Variants in SMOC2 observed in about 807,000 individuals in gnomAD.
The protein encoded by SMOC2 is SPARC-related modular calcium-binding protein 2.
A neutral mutation model predicts 61.4 loss-of-function variants in SMOC2; 39 were observed. The ratio of observed to expected loss-of-function variants is 0.64; its 90% confidence interval spans 0.49 to 0.83. The LOEUF (loss-of-function observed/expected upper bound fraction) is 0.83, where lower values mean the gene tolerates loss of function less well. Ranked by LOEUF, SMOC2 falls within the 40% of genes least tolerant of loss-of-function variation. The probability of loss-of-function intolerance (pLI) is 0.00; values close to 1 mark genes in which losing one functional copy is unlikely to be tolerated. For synonymous variants in SMOC2, 247 were observed against 239.9 expected, an observed-to-expected ratio of 1.03 and a Z score of -0.27; for missense variants, 556 against 592.9, an observed-to-expected ratio of 0.94 and a Z score of 0.65.
At chr6:168,448,338 G>A (rs140137970) in intron 1 of SMOC2, among the ~76,000 whole-genome samples, 19 of 152,000 alleles carry the variant, frequency 1.3e-4, no homozygotes, top group Non-Finnish European at 2.4e-4. Context: ...CTGGGGAGGA[G>A]GATGGCGCTG....
intron 1 of SMOC2, among the ~76,000 whole-genome samples, chr6:168,451,694 A>G (rs370548317): frequency 1.3e-5 from 2 of 151,924 alleles, no homozygotes; most frequent in East Asian, 1.9e-4. Context: ...AAACTGAGCA[A>G]TCTCTCTGAC....
At chr6:168,600,407 C>CAAA (rs776962137) in intron 8 of SMOC2, among the ~76,000 whole-genome samples, 1 of 24,326 alleles carries the variant, frequency 4.1e-5, no homozygotes, top group African/African-American at 1.3e-4. Flanking sequence ...AACTCTGCCT[C>CAAA]AAAAAAAAAA....
At chr6:168,489,846 G>A (rs13194480) in intron 1 of SMOC2, among the ~76,000 whole-genome samples, 1 of 143,942 alleles carries the variant, frequency 6.9e-6, no homozygotes, top group Non-Finnish European at 1.5e-5. Flanking sequence ...GAAATATATC[G>A]AATCATCTGG....
chr6:168,651,939 G>A (rs1422645717), intron 10 of SMOC2, among the ~76,000 whole-genome samples: 2 of 151,694 alleles, frequency 1.3e-5, no homozygotes, highest in Non-Finnish European at 2.9e-5. Context: ...TACTCGGGAG[G>A]CTAAGGCAGG....
At chr6:168,471,965 T>C (rs1445051276) in intron 1 of SMOC2, among the ~76,000 whole-genome samples, 1 of 152,224 alleles carries the variant, frequency 6.6e-6, no homozygotes, top group African/African-American at 2.4e-5. Context: ...TTCAGATACA[T>C]GATTTGCAAG....
At chr6:168,547,266 G>C in intron 6 of SMOC2, 97 bp downstream of exon 6, 1 of 1,017,628 alleles carries the variant, frequency 9.8e-7, no homozygotes, top group Non-Finnish European at 1.5e-6. Flanking sequence ...TTAGAGCTCC[G>C]TTCAGTATGG....
chr6:168,661,896 A>C (rs143216011), intron 11 of SMOC2, among the ~76,000 whole-genome samples: 1 of 152,240 alleles, frequency 6.6e-6, no homozygotes, highest in South Asian at 2.1e-4. Context: ...TCATTTTGGC[A>C]CTTAGACCAT....
At chr6:168,613,017 C>T (rs1013271815) in intron 9 of SMOC2, among the ~76,000 whole-genome samples, 12 of 152,282 alleles carry the variant, frequency 7.9e-5, no homozygotes, top group Admixed American at 1.3e-4. Flanking sequence ...CTCTCGGATA[C>T]GGTTTTCCGG....
chr6:168,597,274 A>T (rs112565278), intron 7 of SMOC2, among the ~76,000 whole-genome samples: 1,579 of 152,358 alleles, frequency 0.01, 27 homozygotes, highest in African/African-American at 0.034. Context: ...TAAAATTACG[A>T]ATCTGATTAT....
At chr6:168,547,004 G>A in intron 5 of SMOC2, 115 bp from the exon 6 acceptor site, 1 of 1,256,694 alleles carries the variant, frequency 8.0e-7, no homozygotes, top group Non-Finnish European at 1.2e-6. Flanking sequence ...GGTTGCTGTT[G>A]TGGTTGATCT....
chr6:168,581,790 G>GC lies in SMOC2; in HGVS notation c.638-17022dup, dbSNP rs568914119. 2.3e-4 allele frequency among the ~76,000 whole-genome samples: 35 copies of GC among 152,250 alleles called. No individual in the cohort carries two copies. The South Asian group carries it at 7.1e-3, about 31-fold the overall frequency. ...CCTGGGACCCCGCTGCCTCCCTGCA[G>GC]CCCCCCTCCCCTCCCTTCCTCATTG... On this transcript the variant is annotated intron_variant, in intron 7 of 12. Transcript: ENST00000356284.
intron 4 of SMOC2, 93 bp downstream of exon 4, chr6:168,527,820 A>C: frequency 1.1e-6 from 1 of 900,104 alleles, no homozygotes; most frequent in Non-Finnish European, 1.8e-6. Flanking sequence ...TGATAATTCA[A>C]AGGGAAATCC....
intron 1 of SMOC2, among the ~76,000 whole-genome samples, chr6:168,461,632 A>G (rs900969219): frequency 5.3e-5 from 8 of 152,166 alleles, no homozygotes; most frequent in Admixed American, 4.6e-4. Flanking sequence ...ACTTTAAAGC[A>G]TTTCGGATGT....
chr6:168,453,106 A>T lies in SMOC2; in HGVS notation c.84+11652A>T, dbSNP rs1781500831. On this transcript the variant is annotated intron_variant, in intron 1 of 12. Transcript: ENST00000356284. The surrounding 1 kb of genome is among the most constrained non-coding windows in gnomAD (Gnocchi z 4.4). ...GGGCCTTGGCCGGACACTCAGGGCA[A>T]TCTGCCCTGAGGAATTCAGGGCAGT... Among the ~76,000 whole-genome samples, 1 of 151,588 alleles carries T rather than the reference A, an allele frequency of 6.6e-6. No homozygotes were observed. The highest frequency in any genetic ancestry group is 2.1e-4 in the South Asian group (1 of 4,790).
chr6:168,600,176 C>T (rs942077508), intron 8 of SMOC2, among the ~76,000 whole-genome samples: 3 of 152,006 alleles, frequency 2.0e-5, no homozygotes, highest in Non-Finnish European at 4.4e-5. Context: ...GAGGCCGAGG[C>T]GGGTGGATCA....
chr6:168,602,834 C>T (rs1353030917), intron 8 of SMOC2, among the ~76,000 whole-genome samples: 1 of 152,198 alleles, frequency 6.6e-6, no homozygotes, highest in Non-Finnish European at 1.5e-5. Context: ...GGCCGAGATG[C>T]TGGAGGCAGT....
At chr6:168,568,813 T>C (rs1385195891) in intron 7 of SMOC2, among the ~76,000 whole-genome samples, 2 of 152,360 alleles carry the variant, frequency 1.3e-5, no homozygotes, top group Non-Finnish European at 1.5e-5. Context: ...CTTTGCTTAC[T>C]AGTATTCGTT....
intron 9 of SMOC2, among the ~76,000 whole-genome samples, chr6:168,632,233 A>G (rs1786588714): frequency 6.6e-6 from 1 of 152,242 alleles, no homozygotes; most frequent in South Asian, 2.1e-4. Flanking sequence ...AGTGACATTC[A>G]TATTAACCAT....
At chr6:168,555,705 TCAGATGGGCAAAGACCTCCCAG>T (rs1784231718) in intron 7 of SMOC2, among the ~76,000 whole-genome samples, 1 of 152,140 alleles carries the variant, frequency 6.6e-6, no homozygotes, top group Non-Finnish European at 1.5e-5. Flanking sequence ...CAGATTGGAT[TCAGATGGGCAAAGACCTCCCAG>T]CAGCCTGCAG....
Sources: gnomAD v4.1 joint callset for allele counts (sites outside exome capture counted in the v4.1 genomes callset) on GRCh38, gnomAD v4.1.1 for gene constraint, Gnocchi (gnomAD v3.1) non-coding constraint, MANE v1.5 for transcripts, NCBI Gene and HGNC (gene_info 2026-07-23, HGNC 2026-07-21) for gene names.